Variants in EYS observed in about 807,000 individuals in gnomAD.
EYS encodes EGF-like photoreceptor maintenance factor.
Under a neutral mutation model 282.1 loss-of-function variants are expected in EYS, and 250 were observed. The observed-to-expected ratio is 0.89, with a 90% CI of 0.80 to 0.98. The LOEUF (loss-of-function observed/expected upper bound fraction) is 0.98. EYS is among the 50% of genes least tolerant of loss of function. EYS has a pLI of 0.00. For missense variants in EYS, 4,016 were observed against 3,709.0 expected, an observed-to-expected ratio of 1.08 and a Z score of -2.15; for synonymous variants, 1,355 against 1,282.9, an observed-to-expected ratio of 1.06 and a Z score of -1.20.
chr6:64,113,912 T>A (rs906936789), intron 31 of EYS, among the ~76,000 whole-genome samples: 1 of 152,192 alleles, frequency 6.6e-6, no homozygotes, highest in South Asian at 2.1e-4. Context: ...TTTTTGTAAG[T>A]AAAATTTTAT....
chr6:65,161,350 C>T (rs1033198494), intron 12 of EYS, among the ~76,000 whole-genome samples: 13 of 151,000 alleles, frequency 8.6e-5, no homozygotes, highest in Admixed American at 6.6e-5. Flanking sequence ...TAAATCTCCT[C>T]TCTACTTTCC....
At chr6:64,833,932 A>G (rs1255230028) in intron 19 of EYS, among the ~76,000 whole-genome samples, 1 of 151,946 alleles carries the variant, frequency 6.6e-6, no homozygotes, top group Non-Finnish European at 1.5e-5. Flanking sequence ...TCTACCAAGT[A>G]ACTGGAGATC....
Position 64,590,564 on chromosome 6 carries a change from T to C in EYS, c.5303A>G (p.Asn1768Ser). 1 of 1,551,400 alleles carries C rather than the reference T, an allele frequency of 6.4e-7. No individual in the cohort carries two copies. Among genetic ancestry groups the C allele is most frequent in the Middle Eastern group, 1.7e-4 (1 of 5,992 alleles). The change falls in exon 26 of 43, where the codon AAT becomes AGT. Residue 1768 changes from asparagine (N) to serine (S), a missense_variant. Asn to Ser is a conservative substitution (Grantham distance 46). Transcript: ENST00000503581. The part of the protein sequence containing the change: ...LKTYSEITHA[N>S]DFKNNLPPLT... ...TGGTGGCAGATTATTTTTGAAGTCA[T>C]TTGCATGTGTAATTTCTGAATATGT... is the stretch of plus-strand genomic sequence containing the variant.
chr6:64,268,307 A>T (rs1048268530), intron 30 of EYS, among the ~76,000 whole-genome samples: 2 of 152,162 alleles, frequency 1.3e-5, no homozygotes, highest in Admixed American at 6.6e-5. Context: ...GAGGCTATAT[A>T]TATAAATAAG....
intron 35 of EYS, among the ~76,000 whole-genome samples, chr6:63,923,181 T>A (rs1764620158): frequency 6.6e-6 from 1 of 152,200 alleles, no homozygotes; most frequent in South Asian, 2.1e-4. Flanking sequence ...GTACTTTTAT[T>A]TTTTTAGTGT....
At chr6:65,028,518 C>A (rs554442433) in intron 13 of EYS, among the ~76,000 whole-genome samples, 12 of 151,894 alleles carry the variant, frequency 7.9e-5, no homozygotes, top group African/African-American at 2.9e-4. Flanking sequence ...ATAAAATTTG[C>A]TGAGAGTAGA....
At chr6:64,670,856 T>G (rs953208537) in intron 22 of EYS, among the ~76,000 whole-genome samples, 4 of 152,084 alleles carry the variant, frequency 2.6e-5, no homozygotes, top group African/African-American at 9.7e-5. Flanking sequence ...ATATTAAGGA[T>G]AGTAACTCAC....
intron 2 of EYS, among the ~76,000 whole-genome samples, chr6:65,616,760 T>C (rs1766212616): frequency 6.6e-6 from 1 of 150,728 alleles, no homozygotes; most frequent in Non-Finnish European, 1.5e-5. Context: ...CACTCCAGCC[T>C]GGTGACAGAG....
intron 2 of EYS, among the ~76,000 whole-genome samples, chr6:65,584,707 C>A (rs913881403): frequency 1.3e-5 from 2 of 151,768 alleles, no homozygotes; most frequent in African/African-American, 2.4e-5. Flanking sequence ...TCCAGTCTTA[C>A]AATAACATCT....
chr6:65,586,041 AC>A (rs1450974576), intron 2 of EYS, among the ~76,000 whole-genome samples: 1 of 151,746 alleles, frequency 6.6e-6, no homozygotes, highest in African/African-American at 2.4e-5. Flanking sequence ...TTATGTGGCC[AC>A]TCACTTATTT....
intron 41 of EYS, among the ~76,000 whole-genome samples, chr6:63,757,393 G>A (rs1769517229): frequency 6.6e-6 from 1 of 152,064 alleles, no homozygotes; most frequent in Admixed American, 6.6e-5. Context: ...CCTGTTTTCT[G>A]TTGTTTAAGA....
At chr6:65,451,676 TAA>T (rs1219538534) in intron 5 of EYS, among the ~76,000 whole-genome samples, 1 of 152,006 alleles carries the variant, frequency 6.6e-6, no homozygotes, top group Non-Finnish European at 1.5e-5. Context: ...TTAGCAAACA[TAA>T]AGTCATTTGA....
chr6:64,636,652 C>A (rs9363035), intron 22 of EYS, among the ~76,000 whole-genome samples: 90,486 of 151,090 alleles, frequency 0.6, 27,213 homozygotes, highest in South Asian at 0.68. Flanking sequence ...AGTGAACAGG[C>A]AACCTACAGA....
chr6:64,103,828 A>G (rs1039002199), intron 31 of EYS, among the ~76,000 whole-genome samples: 1 of 152,176 alleles, frequency 6.6e-6, no homozygotes, highest in Admixed American at 6.6e-5. Context: ...TCAGGATCAA[A>G]TTAAGAATGA....
chr6:64,983,405 T>G (rs1770748323), intron 14 of EYS, among the ~76,000 whole-genome samples: 1 of 151,222 alleles, frequency 6.6e-6, no homozygotes, highest in Admixed American at 6.6e-5. Flanking sequence ...TATGAGCTAT[T>G]TGTGTCAGGA....
intron 33 of EYS, among the ~76,000 whole-genome samples, chr6:64,061,336 A>T (rs943919390): frequency 6.6e-6 from 1 of 152,326 alleles, no homozygotes; most frequent in Admixed American, 6.5e-5. Flanking sequence ...ATTTTTCTGA[A>T]CTTCCCCAAA....
intron 11 of EYS, among the ~76,000 whole-genome samples, chr6:65,312,636 A>G (rs1769190403): frequency 8.5e-5 from 13 of 152,210 alleles, no homozygotes; most frequent in Admixed American, 8.5e-4. Flanking sequence ...CAAATTGACA[A>G]GACAAATGTT....
chr6:64,817,164 A>ACT lies in EYS; in HGVS notation c.3244-3589_3244-3588dup, dbSNP rs549987612. On this transcript the variant is annotated intron_variant, in intron 21 of 42. Transcript: ENST00000503581. ...GCTGACCATTTGTTGAGGGAGATGG[A>ACT]CTCCAACTCAAACCCTCTCCTGGAA... Among the ~76,000 whole-genome samples, 44 of 152,166 alleles carry ACT rather than the reference A, an allele frequency of 2.9e-4. No individual in the cohort carries two copies. The East Asian group carries it at 8.5e-3, about 29-fold the overall frequency.
At chr6:64,011,346 T>C (rs972181804) in intron 33 of EYS, among the ~76,000 whole-genome samples, 2 of 152,190 alleles carry the variant, frequency 1.3e-5, no homozygotes, top group African/African-American at 4.8e-5. Context: ...TCAAACTAAG[T>C]TCTTGCCTTT....
Sources: allele counts gnomAD v4.1 joint callset (sites outside exome capture counted in the v4.1 genomes callset), GRCh38; gene constraint gnomAD v4.1.1; transcripts MANE v1.5; gene names NCBI Gene and HGNC (gene_info 2026-07-23, HGNC 2026-07-21).